The following ITGB3 variants were observed in gnomAD, a reference collection of about 807,000 sequenced individuals.
The protein encoded by ITGB3 is integrin subunit beta 3, also known as integrin beta-3.
In ITGB3, 48 loss-of-function variants were observed where a neutral mutation model predicts 85.8. That is an observed-to-expected ratio of 0.56 (90% CI 0.44 to 0.71). The LOEUF (loss-of-function observed/expected upper bound fraction) is 0.71, where lower values mean the gene tolerates loss of function less well. Among genes scored for constraint, ITGB3 ranks in the 30% least tolerant of loss-of-function variants. ITGB3 has a pLI of 0.00. For missense variants in ITGB3, 861 were observed against 1,019.1 expected, an observed-to-expected ratio of 0.84 and a Z score of 2.11; for synonymous variants, 363 against 395.6, an observed-to-expected ratio of 0.92 and a Z score of 0.98.
At position 47,310,695 on chromosome 17, in the gene ITGB3, G is replaced by A. The variant is rs2065210792; in HGVS notation, c.*491G>A. On this transcript the variant is annotated 3_prime_UTR_variant, in exon 15 of 15. Transcript: ENST00000559488. ...CTCAGGCCTGACTCTCAGCAGCTAT[G>A]GTAGGAACTGCTGGGCTTGGCAGCC... 1 of 213,498 alleles carries A rather than the reference G, an allele frequency of 4.7e-6. No homozygotes were observed. The allele number at this position is 213,498 out of a possible 1,614,324, so 13.2% of individuals were successfully genotyped here. A position where few individuals can be genotyped will look rare whatever the true frequency, so the allele number is the denominator to read the frequency against.
At chr17:47,286,771 G>A (rs941924017) in intron 5 of ITGB3, among the ~76,000 whole-genome samples, 3 of 152,206 alleles carry the variant, frequency 2.0e-5, no homozygotes, top group Non-Finnish European at 2.9e-5. Flanking sequence ...GTGGATGCAC[G>A]TCAGTTTCTA....
chr17:47,312,895 G>A lies in ITGB3; in HGVS notation c.*2691G>A, dbSNP rs2065221132. ...AGTCTCAGGATCTGTGGACAATAAC[G>A]GAAAACTTTGAATATTCCTGACAAG... On this transcript the variant is annotated 3_prime_UTR_variant, in exon 15 of 15. Transcript: ENST00000559488. Among the ~76,000 whole-genome samples, 1 of 151,962 alleles carries A rather than the reference G, an allele frequency of 6.6e-6. No homozygotes were observed. Among genetic ancestry groups the A allele is most frequent in the Non-Finnish European group, 1.5e-5 (1 of 68,020 alleles).
Position 47,286,249 on chromosome 17 carries a change from T to C in ITGB3, c.615-11T>C. On this transcript the variant is annotated splice_polypyrimidine_tract_variant and intron_variant, in intron 4 of 14. Coordinates refer to ENST00000559488, the MANE Select transcript of ITGB3 (RefSeq NM_000212.3). ...AGGTGTCTGCTTAAATTATCTCCCATCCCTCCCCAGTATGAAGACCACCTG... is the reference window on the plus strand; with the variant it reads ...AGGTGTCTGCTTAAATTATCTCCCACCCCTCCCCAGTATGAAGACCACCTG... 1 of 1,614,018 alleles carries C rather than the reference T, an allele frequency of 6.2e-7. No individual in the cohort carries two copies. Among genetic ancestry groups the C allele is most frequent in the Non-Finnish European group, 8.5e-7 (1 of 1,179,974 alleles).
At chr17:47,270,706 C>T (rs2065041315) in intron 1 of ITGB3, among the ~76,000 whole-genome samples, 1 of 152,122 alleles carries the variant, frequency 6.6e-6, no homozygotes, top group African/African-American at 2.4e-5. Context: ...GAGTGGAGCC[C>T]CAGAGGTTAT....
chr17:47,293,151 C>T (rs1301846704), intron 10 of ITGB3, among the ~76,000 whole-genome samples: 1 of 152,192 alleles, frequency 6.6e-6, no homozygotes, highest in Non-Finnish European at 1.5e-5. Context: ...AACATTTCAA[C>T]GTGATAGAAA....
intron 2 of ITGB3, among the ~76,000 whole-genome samples, chr17:47,275,147 C>T (rs1687334046): frequency 6.6e-6 from 1 of 152,150 alleles, no homozygotes; most frequent in Non-Finnish European, 1.5e-5. Flanking sequence ...CTTTTCTCTT[C>T]CCTTCTCTTT....
intron 5 of ITGB3, 105 bp downstream of exon 5, chr17:47,286,527 T>A: frequency 7.6e-7 from 1 of 1,322,202 alleles, no homozygotes; most frequent in Non-Finnish European, 1.1e-6. Context: ...AGATGAGAAC[T>A]AAGCAGGGCT....
chr17:47,254,480 T>G (rs1011419207), intron 1 of ITGB3, among the ~76,000 whole-genome samples: 25 of 152,196 alleles, frequency 1.6e-4, no homozygotes, highest in Non-Finnish European at 2.9e-5. Context: ...TTTTTCTTTC[T>G]TTCTTTCTTT....
intron 1 of ITGB3, among the ~76,000 whole-genome samples, chr17:47,272,683 T>TTTTC (rs1435565538): frequency 7.0e-6 from 1 of 143,374 alleles, no homozygotes; most frequent in Non-Finnish European, 1.5e-5. Context: ...CTTTCTTTTT[T>TTTTC]TTTCTTTCTT....
Position 47,299,460 on chromosome 17 carries a change from A to G in ITGB3, c.1843A>G (p.Ile615Val). 6.2e-7 allele frequency: 1 copy of G among 1,614,258 alleles called. No homozygotes were observed. The highest frequency in any genetic ancestry group is 8.5e-7 in the Non-Finnish European group (1 of 1,180,046). ...GTGTGAATGTGGCAGCTGTGTCTGTATCCAGCCGGGCTCCTATGGGGACAC... is the reference window on the plus strand; with the variant it reads ...GTGTGAATGTGGCAGCTGTGTCTGTGTCCAGCCGGGCTCCTATGGGGACAC... ...GKCECGSCVC[I>V]QPGSYGDTCE... Residue 615 changes from isoleucine (I) to valine (V), a missense_variant, in exon 11 of 15, where the codon ATC (isoleucine) becomes GTC (valine). Coordinates refer to ENST00000559488, the MANE Select transcript of ITGB3 (RefSeq NM_000212.3). The surrounding 1 kb of genome is among the most constrained non-coding windows in gnomAD (Gnocchi z 5.1).
At chr17:47,265,662 C>A (rs953036112) in intron 1 of ITGB3, among the ~76,000 whole-genome samples, 11 of 152,188 alleles carry the variant, frequency 7.2e-5, no homozygotes, top group African/African-American at 2.7e-4. Context: ...GTCATGGGCA[C>A]TGGGGTAAGG....
chr17:47,310,052 G>A, intron 14 of ITGB3, 87 bp from the exon 15 acceptor site: 8 of 1,195,500 alleles, frequency 6.7e-6, no homozygotes, highest in East Asian at 2.3e-5. Flanking sequence ...GGTGCCTTGG[G>A]AAAACTTCTG....
intron 13 of ITGB3, 44 bp downstream of exon 13, chr17:47,302,884 A>G: frequency 6.2e-7 from 1 of 1,611,284 alleles, no homozygotes; most frequent in Non-Finnish European, 8.5e-7. Flanking sequence ...CAGGAGGGAG[A>G]GGGAGAACCA....
Position 47,299,435 on chromosome 17 carries a change from G to T in ITGB3, c.1818G>T (p.Lys606Asn), listed in dbSNP as rs1156382155. 1.9e-6 allele frequency: 3 copies of T among 1,614,164 alleles called. No individual in the cohort carries two copies. The highest frequency in any genetic ancestry group is 2.5e-6 in the Non-Finnish European group (3 of 1,180,060). ...SNGLLCSGRG[K>N]CECGSCVCIQ... ...GGCTGCTGTGCAGCGGCCGCGGCAAGTGTGAATGTGGCAGCTGTGTCTGTA... is the reference window on the plus strand; with the variant it reads ...GGCTGCTGTGCAGCGGCCGCGGCAATTGTGAATGTGGCAGCTGTGTCTGTA... Residue 606 changes from lysine (K) to asparagine (N), a missense_variant, in exon 11 of 15, where the codon AAG becomes AAT. By Grantham distance (94) the Lys-to-Asn change is moderately conservative. Transcript: ENST00000559488. The surrounding 1 kb of genome is among the most constrained non-coding windows in gnomAD (Gnocchi z 5.1).
At chr17:47,260,894 T>C (rs1055244402) in intron 1 of ITGB3, among the ~76,000 whole-genome samples, 8 of 152,118 alleles carry the variant, frequency 5.3e-5, no homozygotes, top group Non-Finnish European at 1.2e-4. Flanking sequence ...TCTTGAAATA[T>C]GTGCGCATTG....
intron 1 of ITGB3, among the ~76,000 whole-genome samples, chr17:47,258,869 TAGACTTTC>T (rs2064999699): frequency 6.6e-6 from 1 of 152,260 alleles, no homozygotes; most frequent in Admixed American, 6.5e-5. Flanking sequence ...ATGCAGTGTA[TAGACTTTC>T]AGTCTGGCTT....
chr17:47,302,646 G>A (rs1241385294), intron 12 of ITGB3, 75 bp from the exon 13 acceptor site: 5 of 1,570,260 alleles, frequency 3.2e-6, no homozygotes, highest in African/African-American at 1.4e-5. Flanking sequence ...TGGAAGTCCT[G>A]TGATAGGGGT....
intron 10 of ITGB3, among the ~76,000 whole-genome samples, chr17:47,296,044 C>T (rs2065144820): frequency 6.6e-6 from 1 of 152,212 alleles, no homozygotes; most frequent in South Asian, 2.1e-4. Context: ...CCAGCTCTGC[C>T]TCTTGCCATG....
At chr17:47,278,510 G>A (rs928383228) in intron 2 of ITGB3, among the ~76,000 whole-genome samples, 1 of 152,090 alleles carries the variant, frequency 6.6e-6, no homozygotes, top group Non-Finnish European at 1.5e-5. Context: ...AATCCGGGAG[G>A]TGGAGGTTGC....
Sources: allele counts gnomAD v4.1 joint callset (sites outside exome capture counted in the v4.1 genomes callset), GRCh38; gene constraint gnomAD v4.1.1; non-coding constraint Gnocchi (gnomAD v3.1); transcripts MANE v1.5; gene names NCBI Gene and HGNC (gene_info 2026-07-23, HGNC 2026-07-21).